The following TMEM259 variants were observed in gnomAD, a reference collection of about 807,000 sequenced individuals.
TMEM259 encodes membralin.
In TMEM259, 26 loss-of-function variants were observed where a neutral mutation model predicts 46.7. That is an observed-to-expected ratio of 0.56 (90% confidence interval 0.41 to 0.77). The LOEUF (loss-of-function observed/expected upper bound fraction) is 0.77. Among genes scored for constraint, TMEM259 ranks in the 30% least tolerant of loss-of-function variants. The pLI is 0.00. For missense variants in TMEM259, 930 were observed against 900.5 expected (o/e 1.03, Z -0.42); for synonymous variants, 494 against 395.1 (o/e 1.25, Z -2.97).
intron 9 of TMEM259, 38 bp downstream of exon 9, chr19:1,011,329 C>G (rs1398342202): frequency 6.4e-7 from 1 of 1,553,698 alleles, no homozygotes; most frequent in Admixed American, 1.9e-5. Context: ...CCCCTGCCCA[C>G]CAGCACCCAC....
At position 1,010,407 on chromosome 19, in the gene TMEM259, G is replaced by A. The variant is rs62131162; in HGVS notation, c.1806C>T (p.Gly602=). The A allele has an allele frequency of 0.13, 190,902 of 1,515,422 alleles. 12,789 individuals carry two copies. The highest frequency in any genetic ancestry group is 0.15 in the South Asian group (11,895 of 78,576). The allele number at this position is 1,515,422 out of a possible 1,614,324, so 93.9% of individuals were successfully genotyped here. A position where few individuals can be genotyped will look rare whatever the true frequency, so the allele number is the denominator to read the frequency against. The change falls in exon 11 of 11, where the codon GGC becomes GGT. Residue 602 remains glycine (G), a synonymous_variant. Coordinates refer to ENST00000356663, the MANE Select transcript of TMEM259 (RefSeq NM_001033026.2). The part of the protein sequence containing the change: ...SDTTPLGAAV[G]GPSPASMAPT... The stretch of plus-strand genomic sequence containing the variant: ...GGGCCATGGAGGCCGGGCTAGGCCC[G>A]CCTACCGCAGCCCCCAGGGGAGTTG...
In TMEM259 at chr19:1,010,331, GGCGGCTCAGCTGT is replaced by G. The variant is rs1455816838; in HGVS notation, c.*6_*18del. 1.3e-5 allele frequency: 19 copies of G among 1,457,736 alleles called. No individual in the cohort carries two copies. The highest frequency in any genetic ancestry group is 2.4e-4 in the Middle Eastern group (1 of 4,124). 90.3% of individuals were successfully genotyped at this position (1,457,736 alleles called of 1,614,324 possible). A position where few individuals can be genotyped will look rare whatever the true frequency, so the allele number is the denominator to read the frequency against. On this transcript the variant is annotated 3_prime_UTR_variant, in exon 11 of 11. Coordinates refer to ENST00000356663, the MANE Select transcript of TMEM259 (RefSeq NM_001033026.2). ...TCAGGCCCAGCCAGCAGGGGTCAGA[GGCGGCTCAGCTGT>G]GCGGCTCAGGACCCCACCTCCGAGG... is the stretch of plus-strand genomic sequence containing the variant.
At chr19:1,019,070 G>A (rs545684652) in intron 1 of TMEM259, among the ~76,000 whole-genome samples, 4 of 152,030 alleles carry the variant, frequency 2.6e-5, no homozygotes, top group African/African-American at 7.2e-5. Context: ...TGGGGTTACT[G>A]AGAACCTCCC....
chr19:1,010,900 G>T lies in TMEM259; in HGVS notation c.1318-5C>A. 6.3e-7 allele frequency: 1 copy of T among 1,589,656 alleles called. No homozygotes were observed. Among genetic ancestry groups the T allele is most frequent in the East Asian group, 2.2e-5 (1 of 44,504 alleles). ...GAAGAAGTAGATCATGGAATGCTGCGGGAGGGAGAGTGGGAGTCAGGACGG... is the reference window on the plus strand; with the variant it reads ...GAAGAAGTAGATCATGGAATGCTGCTGGAGGGAGAGTGGGAGTCAGGACGG... On this transcript the variant is annotated splice_region_variant and splice_polypyrimidine_tract_variant and intron_variant, in intron 10 of 10. Transcript: ENST00000356663.
At chr19:1,014,089 G>A (rs1481961460) in intron 2 of TMEM259, 103 bp downstream of exon 2, 1 of 1,436,726 alleles carries the variant, frequency 7.0e-7, no homozygotes. Flanking sequence ...GTCCCTGAAA[G>A]TCAAGAACCC....
In TMEM259 at chr19:1,020,726, G is replaced by A. The variant is rs1182065696; in HGVS notation, c.225+46C>T. The A allele has an allele frequency of 7.9e-7, 1 of 1,262,192 alleles. No homozygotes were observed. The allele number at this position is 1,262,192 out of a possible 1,614,324, so 78.2% of individuals were successfully genotyped here. A position where few individuals can be genotyped will look rare whatever the true frequency, so the allele number is the denominator to read the frequency against. ...GTCGGAGGTAGCAGACTTGGGGGTC[G>A]GGACAGCCGCTGGGGTCAAGGGTCG... On this transcript the variant is annotated intron_variant, in intron 1 of 10. Transcript: ENST00000356663. The surrounding 1 kb of genome is among the most constrained non-coding windows in gnomAD (Gnocchi z 4.0).
Position 1,010,321 on chromosome 19 carries a change from A to AG in TMEM259, c.*28dup. On this transcript the variant is annotated 3_prime_UTR_variant, in exon 11 of 11. Transcript: ENST00000356663. ...CTCGGGAAGGTCAGGCCCAGCCAGC[A>AG]GGGGTCAGAGGCGGCTCAGCTGTGC... is the stretch of plus-strand genomic sequence containing the variant. 6.9e-7 allele frequency: 1 copy of AG among 1,441,220 alleles called. No individual in the cohort carries two copies. The highest frequency in any genetic ancestry group is 9.0e-7 in the Non-Finnish European group (1 of 1,105,844). 89.3% of individuals were successfully genotyped at this position (1,441,220 alleles called of 1,614,324 possible).
chr19:1,010,184 C>T lies in TMEM259; in HGVS notation c.*166G>A, dbSNP rs115454056. 3,494 of 635,846 alleles carry T rather than the reference C, an allele frequency of 5.5e-3. 115 individuals are homozygous for T. In the African/African-American group the frequency reaches 0.063, roughly 11 times the overall value. 39.4% of individuals were successfully genotyped at this position (635,846 alleles called of 1,614,324 possible). A position where few individuals can be genotyped will look rare whatever the true frequency, so the allele number is the denominator to read the frequency against. ...ACAAGCCTCGGGCGCGACCTCACAC[C>T]AGGGGGAGGAAAGCCGCCTTCCGGG... On this transcript the variant is annotated 3_prime_UTR_variant, in exon 11 of 11. Coordinates refer to ENST00000356663, the MANE Select transcript of TMEM259 (RefSeq NM_001033026.2).
At chr19:1,017,993 C>T (rs1177132652) in intron 1 of TMEM259, among the ~76,000 whole-genome samples, 1 of 152,202 alleles carries the variant, frequency 6.6e-6, no homozygotes, top group African/African-American at 2.4e-5. Flanking sequence ...CATACCCCGT[C>T]TTTAATCGTC....
At chr19:1,011,820 C>T (rs376521538) in intron 6 of TMEM259, 22 bp from the exon 7 acceptor site, 10 of 1,586,594 alleles carry the variant, frequency 6.3e-6, no homozygotes, top group South Asian at 3.4e-5. Flanking sequence ...GCGCAGGAAG[C>T]GCTATGAGGG....
chr19:1,014,094 G>A (rs1399191759), intron 2 of TMEM259, 98 bp downstream of exon 2: 27 of 1,456,162 alleles, frequency 1.9e-5, no homozygotes, highest in Non-Finnish European at 2.0e-5. Context: ...TGAAAGTCAA[G>A]AACCCCAACA....
intron 3 of TMEM259, 25 bp from the exon 4 acceptor site, chr19:1,012,598 G>A (rs1364097311): frequency 1.3e-6 from 2 of 1,554,230 alleles, no homozygotes; most frequent in Non-Finnish European, 1.7e-6. Flanking sequence ...CAGGGACCAG[G>A]TCAGCGCCCC....
rs752097768 is a variant in TMEM259, at chr19:1,010,838, G to T, written c.1375C>A (p.Arg459Ser). The stretch of plus-strand genomic sequence containing the variant: ...GCCTGAAGCAGCATCTCCTGGATGC[G>T]GACCTGCTGCAGGATGGCAGGCAGC... ...YELPAILQQV[R>S]IQEMLLQAPP... is the part of the protein sequence containing the mutation. Residue 459 changes from arginine (R) to serine (S), a missense_variant, in exon 11 of 11, where the codon CGC becomes AGC. Arg to Ser is a moderately radical substitution (Grantham distance 110, BLOSUM62 -1). Coordinates refer to ENST00000356663, the MANE Select transcript of TMEM259 (RefSeq NM_001033026.2). 6.0e-5 allele frequency: 96 copies of T among 1,592,156 alleles called. No homozygotes were observed. Among genetic ancestry groups the T allele is most frequent in the Non-Finnish European group, 7.8e-5 (92 of 1,177,228 alleles).
Position 1,014,461 on chromosome 19 carries a change from G to A in TMEM259, c.238C>T (p.Leu80Phe). The change falls in exon 2 of 11, where the codon CTC (leucine) becomes TTC (phenylalanine). Residue 80 changes from leucine (L) to phenylalanine (F), a missense_variant. Physicochemically the swap from Leu to Phe is conservative, Grantham distance 22 (BLOSUM62 0). Coordinates refer to ENST00000356663, the MANE Select transcript of TMEM259 (RefSeq NM_001033026.2). ...ATGTGGATGTAGGCCAGGACGAAGA[G>A]CACAAACAGGGCCTAGGGGGCGGCC... ...FFVLLKALFV[L>F]FVLAYIHIVF... 1 of 1,609,324 alleles carries A rather than the reference G, an allele frequency of 6.2e-7. No individual in the cohort carries two copies. Among genetic ancestry groups the A allele is most frequent in the Non-Finnish European group, 8.5e-7 (1 of 1,178,330 alleles).
intron 2 of TMEM259, 113 bp from the exon 3 acceptor site, chr19:1,013,453 C>T: frequency 6.6e-6 from 7 of 1,057,372 alleles, no homozygotes; most frequent in Non-Finnish European, 9.8e-6. Flanking sequence ...GCCTCTGCCC[C>T]ACCACTGACC....
At position 1,012,684 on chromosome 19, in the gene TMEM259, G is replaced by T. The variant is rs1473291914; in HGVS notation, c.608-111C>A. The stretch of plus-strand genomic sequence containing the variant: ...GGAGGGTGAGACCTGCTGAGCCCTG[G>T]GCCCCAGGTGGGTGCTGGGAGGACC... On this transcript the variant is annotated intron_variant, in intron 3 of 10. Transcript: ENST00000356663. The T allele has an allele frequency of 1.7e-5, 24 of 1,423,880 alleles. No individual in the cohort carries two copies. The East Asian group carries it at 6.0e-4, about 36-fold the overall frequency. 88.2% of individuals were successfully genotyped at this position (1,423,880 alleles called of 1,614,324 possible). A position where few individuals can be genotyped will look rare whatever the true frequency, so the allele number is the denominator to read the frequency against.
intron 1 of TMEM259, among the ~76,000 whole-genome samples, chr19:1,018,430 C>T (rs1413043654): frequency 6.6e-6 from 1 of 152,168 alleles, no homozygotes; most frequent in Non-Finnish European, 1.5e-5. Context: ...GGACTCCATG[C>T]CAGCTCAGGG....
rs2039275121 is a variant in TMEM259, at chr19:1,020,932, G to A, written c.65C>T (p.Ala22Val). The change falls in exon 1 of 11, where the codon GCC becomes GTC. Residue 22 changes from alanine (A) to valine (V), a missense_variant. Coordinates refer to ENST00000356663, the MANE Select transcript of TMEM259 (RefSeq NM_001033026.2). This position sits in a 1 kb window ranked among gnomAD's most constrained non-coding sequence, Gnocchi z 4.0. Reference sequence around the variant, plus strand: ...GGGGGTGCGAGGCCCGCGCGCGGGGGCCGGGCCGCCGCCGCCGCCGTTGGG... The same window carrying A: ...GGGGGTGCGAGGCCCGCGCGCGGGGACCGGGCCGCCGCCGCCGCCGTTGGG... ...PGPNGGGGGP[A>V]PARGPRTPNL... 3 of 1,266,358 alleles carry A rather than the reference G, an allele frequency of 2.4e-6. No individual in the cohort carries two copies. Among genetic ancestry groups the A allele is most frequent in the Admixed American group, 4.2e-5 (1 of 23,562 alleles). The allele number at this position is 1,266,358 out of a possible 1,614,324, so 78.4% of individuals were successfully genotyped here.
chr19:1,011,662 C>T lies in TMEM259; in HGVS notation c.1002G>A (p.Val334=). ...YSHHQIFVFI[V]DLLQMLEMNM... Reference sequence around the variant, plus strand: ...TCATCTCCAGCATCTGCAGCAGGTCCACTGCGGGCACAGGGCGGCGGGCGC... The same window carrying T: ...TCATCTCCAGCATCTGCAGCAGGTCTACTGCGGGCACAGGGCGGCGGGCGC... The change falls in exon 8 of 11, where the codon GTG becomes GTA. Residue 334 remains valine, a splice_region_variant and synonymous_variant. Transcript: ENST00000356663. 1.9e-6 allele frequency: 3 copies of T among 1,544,922 alleles called. No homozygotes were observed. Among genetic ancestry groups the T allele is most frequent in the Non-Finnish European group, 1.7e-6 (2 of 1,143,824 alleles).
Sources: allele counts gnomAD v4.1 joint callset (sites outside exome capture counted in the v4.1 genomes callset), GRCh38; gene constraint gnomAD v4.1.1; non-coding constraint Gnocchi (gnomAD v3.1); transcripts MANE v1.5; gene names NCBI Gene and HGNC (gene_info 2026-07-23, HGNC 2026-07-21).